Variants in ANGPT1 observed in about 807,000 individuals in gnomAD.
The protein encoded by ANGPT1 is angiopoietin 1.
ANGPT1 carries 17 observed loss-of-function variants against 62.2 expected under a neutral mutation model. That is an observed-to-expected ratio of 0.27 (90% CI 0.19 to 0.41). The LOEUF (loss-of-function observed/expected upper bound fraction) is 0.41, where lower values mean the gene tolerates loss of function less well. ANGPT1 is among the 10% of genes least tolerant of loss of function. The pLI is 1.00. For synonymous variants in ANGPT1, 199 were observed against 198.9 expected (o/e 1.00, Z 0.00); for missense variants, 478 against 594.9 (o/e 0.80, Z 2.04).
intron 7 of ANGPT1, 77 bp from the exon 8 acceptor site, chr8:107,264,428 G>A: frequency 6.6e-7 from 1 of 1,519,768 alleles, no homozygotes; most frequent in Non-Finnish European, 8.8e-7. Context: ...CTTGTTGAAT[G>A]TTTGCCTTTT....
intron 3 of ANGPT1, among the ~76,000 whole-genome samples, chr8:107,335,894 T>C (rs935802442): frequency 8.4e-5 from 5 of 59,610 alleles, no homozygotes; most frequent in African/African-American, 1.2e-4. Flanking sequence ...AGATTTGAAC[T>C]ACTACCATTA....
chr8:107,386,506 G>A (rs1226621833), intron 1 of ANGPT1, among the ~76,000 whole-genome samples: 1 of 152,048 alleles, frequency 6.6e-6, no homozygotes. Flanking sequence ...CCCTTGAGTT[G>A]AGCATCCAAT....
intron 8 of ANGPT1, among the ~76,000 whole-genome samples, chr8:107,252,857 C>T (rs548425666): frequency 6.6e-5 from 10 of 152,194 alleles, no homozygotes; most frequent in Non-Finnish European, 1.3e-4. Context: ...TGAAGTAACA[C>T]TACTGAATCT....
intron 1 of ANGPT1, among the ~76,000 whole-genome samples, chr8:107,351,493 C>T (rs1231465011): frequency 6.6e-6 from 1 of 151,934 alleles, no homozygotes; most frequent in African/African-American, 2.4e-5. Flanking sequence ...GACTGGTTGG[C>T]TGGATGATTA....
intron 1 of ANGPT1, among the ~76,000 whole-genome samples, chr8:107,437,148 A>G (rs1294950276): frequency 1.3e-5 from 2 of 152,164 alleles, no homozygotes; most frequent in Admixed American, 1.3e-4. Context: ...AATATTACAT[A>G]TTGCTTAAAT....
rs73701018 is a variant in ANGPT1 at position 107,282,040 on chromosome 8, G to A, written c.1205+2642C>T. ...CCTAGAGAAGCAGTACTGGGCATAC[G>A]TGATGATACAGGCAGGGAGAAAAGT... On this transcript the variant is annotated intron_variant, in intron 7 of 8. Coordinates refer to ENST00000517746, the MANE Select transcript of ANGPT1 (RefSeq NM_001146.5). Among the ~76,000 whole-genome samples the A allele has an allele frequency of 9.5e-3, 1,431 of 151,418 alleles. 22 individuals carry two copies. The highest frequency in any genetic ancestry group is 0.033 in the African/African-American group (1,364 of 41,220).
intron 1 of ANGPT1, among the ~76,000 whole-genome samples, chr8:107,359,655 A>G (rs1295291605): frequency 6.6e-6 from 1 of 152,170 alleles, no homozygotes; most frequent in East Asian, 1.9e-4. Context: ...TCCATGGCTT[A>G]CAAACAAACA....
At chr8:107,288,105 G>T (rs1430501370) in intron 6 of ANGPT1, among the ~76,000 whole-genome samples, 1 of 151,966 alleles carries the variant, frequency 6.6e-6, no homozygotes, top group Non-Finnish European at 1.5e-5. Flanking sequence ...ATTAATAAAG[G>T]GATACTGAAA....
intron 1 of ANGPT1, among the ~76,000 whole-genome samples, chr8:107,453,843 T>A (rs955337249): frequency 1.4e-5 from 2 of 143,644 alleles, no homozygotes; most frequent in Non-Finnish European, 3.1e-5. Context: ...CAGATGCACA[T>A]AGTATATGCT....
intron 1 of ANGPT1, among the ~76,000 whole-genome samples, chr8:107,389,334 G>C (rs1816790581): frequency 6.6e-6 from 1 of 152,128 alleles, no homozygotes; most frequent in Non-Finnish European, 1.5e-5. Context: ...TTTTCTTTGA[G>C]TTAGATCTAG....
chr8:107,365,329 G>A (rs561829496), intron 1 of ANGPT1, among the ~76,000 whole-genome samples: 10 of 152,292 alleles, frequency 6.6e-5, no homozygotes, highest in South Asian at 2.1e-4. Flanking sequence ...TCTCCCCCAT[G>A]AGAAGTAGTG....
chr8:107,457,300 T>C (rs1180912548), intron 1 of ANGPT1, among the ~76,000 whole-genome samples: 1 of 152,132 alleles, frequency 6.6e-6, no homozygotes, highest in African/African-American at 2.4e-5. Flanking sequence ...CATATGAATG[T>C]CTTCCTGTCA....
At chr8:107,259,113 A>G (rs1022336532) in intron 8 of ANGPT1, among the ~76,000 whole-genome samples, 1 of 152,208 alleles carries the variant, frequency 6.6e-6, no homozygotes, top group Non-Finnish European at 1.5e-5. Flanking sequence ...AAATAAAAGT[A>G]GTGCAATGTA....
chr8:107,429,818 G>A (rs546304633), intron 1 of ANGPT1, among the ~76,000 whole-genome samples: 1 of 144,456 alleles, frequency 6.9e-6, no homozygotes, highest in Admixed American at 7.0e-5. Context: ...TTTTTGAAAT[G>A]CAGGCTTCCA....
chr8:107,448,468 T>C (rs1360363142), intron 1 of ANGPT1, among the ~76,000 whole-genome samples: 1 of 152,180 alleles, frequency 6.6e-6, no homozygotes, highest in Non-Finnish European at 1.5e-5. Context: ...TATATAAGTA[T>C]CTAGTAAAAG....
At chr8:107,450,671 C>G (rs1283724) in intron 1 of ANGPT1, among the ~76,000 whole-genome samples, 12,274 of 150,356 alleles carry the variant, frequency 0.082, 545 homozygotes, top group South Asian at 0.14. Flanking sequence ...GAAATATTTT[C>G]AAGGGTATTG....
rs148643837 is a variant in ANGPT1 at position 107,285,569 on chromosome 8, T to G, written c.1039-721A>C. ...CTCCTGAGTGAACCTAGCTGACTGC[T>G]TGGCTTCTGAATGTCAACATGACTT... On this transcript the variant is annotated intron_variant, in intron 6 of 8. Coordinates refer to ENST00000517746, the MANE Select transcript of ANGPT1 (RefSeq NM_001146.5). 5.6e-3 allele frequency among the ~76,000 whole-genome samples: 851 copies of G among 152,270 alleles called. 7 individuals carry two copies. The highest frequency in any genetic ancestry group is 8.9e-3 in the Non-Finnish European group (604 of 68,012).
At chr8:107,340,971 A>G (rs1815684032) in intron 2 of ANGPT1, among the ~76,000 whole-genome samples, 1 of 152,222 alleles carries the variant, frequency 6.6e-6, no homozygotes, top group Non-Finnish European at 1.5e-5. Context: ...AGAGAGTTAG[A>G]AAATCAGCAT....
chr8:107,290,502 G>A (rs1022502379), intron 6 of ANGPT1, among the ~76,000 whole-genome samples: 31 of 152,224 alleles, frequency 2.0e-4, no homozygotes, highest in African/African-American at 7.2e-4. Flanking sequence ...ACTGGCATAA[G>A]GAGTCTATAT....
Sources: allele counts gnomAD v4.1 joint callset (sites outside exome capture counted in the v4.1 genomes callset), GRCh38; gene constraint gnomAD v4.1.1; transcripts MANE v1.5; gene names NCBI Gene and HGNC (gene_info 2026-07-23, HGNC 2026-07-21).